The following KLRG1 variants were observed in gnomAD, a reference collection of about 807,000 sequenced individuals.
KLRG1 encodes killer cell lectin-like receptor subfamily G member 1.
In KLRG1, 16 loss-of-function variants were observed where a neutral mutation model predicts 21.8. The observed-to-expected ratio is 0.73, with a 90% CI of 0.50 to 1.11. The LOEUF is 1.11. Among genes scored for constraint, KLRG1 ranks in the 50% most tolerant of loss-of-function variants. The probability of loss-of-function intolerance (pLI) is 0.00; values close to 1 mark genes in which losing one functional copy is unlikely to be tolerated. For synonymous variants in KLRG1, 69 were observed against 75.9 expected (o/e 0.91, Z 0.47); for missense variants, 173 against 218.3 (o/e 0.79, Z 1.31).
downstream of KLRG1, among the ~76,000 whole-genome samples, chr12:9,014,595 A>G (rs939206408): frequency 6.6e-6 from 1 of 152,200 alleles, no homozygotes; most frequent in African/African-American, 2.4e-5. Context: ...GATCTGTTGT[A>G]TAAGAAATGC....
chr12:9,185,062 G>T, the KLRG1 span, among the ~76,000 whole-genome samples: 1 of 152,166 alleles, frequency 6.6e-6, no homozygotes, highest in Non-Finnish European at 1.5e-5. Flanking sequence ...CTCCAGCAAG[G>T]GTTCTTAATA....
chr12:9,105,979 AG>A, the KLRG1 span, among the ~76,000 whole-genome samples: 2 of 152,184 alleles, frequency 1.3e-5, no homozygotes, highest in Non-Finnish European at 2.9e-5. Flanking sequence ...TTTCAAAAGA[AG>A]GGGGGAAAAC....
At chr12:9,161,038 A>C in the KLRG1 span, 1 of 1,583,102 alleles carries the variant, frequency 6.3e-7, no homozygotes, top group Non-Finnish European at 8.7e-7. Flanking sequence ...CTCACCCAGA[A>C]CTGAGAAAGA....
the KLRG1 span, chr12:9,112,279 A>G: frequency 1.9e-6 from 3 of 1,607,002 alleles, no homozygotes; most frequent in Non-Finnish European, 8.5e-7. Flanking sequence ...AAGACAAGCT[A>G]TTAAGGAACC....
At chr12:9,184,713 C>T in the KLRG1 span, among the ~76,000 whole-genome samples, 5 of 152,362 alleles carry the variant, frequency 3.3e-5, no homozygotes, top group East Asian at 7.7e-4. Flanking sequence ...TTCAGTGCAA[C>T]ATGTTCTTAA....
chr12:9,070,269 T>C, the KLRG1 span, among the ~76,000 whole-genome samples: 1 of 152,376 alleles, frequency 6.6e-6, no homozygotes, highest in Non-Finnish European at 1.5e-5. Context: ...AGCAGGAACC[T>C]GCTGACAATC....
chr12:9,192,077 G>A, the KLRG1 span: 155 of 837,726 alleles, frequency 1.9e-4, no homozygotes, highest in Middle Eastern at 3.5e-4. Context: ...ATTTTCCTGC[G>A]TGTCCTCCTT....
chr12:9,111,777 A>G, the KLRG1 span, among the ~76,000 whole-genome samples: 1 of 152,200 alleles, frequency 6.6e-6, no homozygotes, highest in South Asian at 2.1e-4. Context: ...AATTACCCTG[A>G]CTTTCCTTTA....
chr12:9,109,962 G>A, the KLRG1 span: 1 of 1,613,738 alleles, frequency 6.2e-7, no homozygotes, highest in South Asian at 1.1e-5. Flanking sequence ...TGATGAGAGG[G>A]GAAAAGAAAA....
the KLRG1 span, chr12:9,115,626 A>T: frequency 1.5e-6 from 1 of 674,942 alleles, no homozygotes; most frequent in Non-Finnish European, 2.5e-6. Flanking sequence ...AGTAAACTAG[A>T]TTTGTAAAAT....
At chr12:9,047,232 A>G in the KLRG1 span, among the ~76,000 whole-genome samples, 2 of 152,236 alleles carry the variant, frequency 1.3e-5, no homozygotes, top group Non-Finnish European at 2.9e-5. Context: ...ATTAGTAGCA[A>G]TAAAACTTAT....
chr12:9,080,661 T>C, the KLRG1 span, among the ~76,000 whole-genome samples: 255 of 152,350 alleles, frequency 1.7e-3, 1 homozygote, highest in Non-Finnish European at 2.0e-3. Context: ...TATACAAAGA[T>C]AGTATTTTTA....
the KLRG1 span, among the ~76,000 whole-genome samples, chr12:9,040,995 C>T: frequency 6.6e-6 from 1 of 152,202 alleles, no homozygotes; most frequent in South Asian, 2.1e-4. Context: ...CAGACTGTTT[C>T]CAAAGATGCA....
the KLRG1 span, among the ~76,000 whole-genome samples, chr12:9,200,168 T>C: frequency 6.6e-6 from 1 of 152,200 alleles, no homozygotes; most frequent in Non-Finnish European, 1.5e-5. Context: ...AGATGTTTAT[T>C]GTTAAATCAT....
chr12:9,065,151 T>TCCCCCCCCCC, the KLRG1 span: 150 of 52,618 alleles, frequency 2.9e-3, no homozygotes, highest in African/African-American at 3.3e-3. Context: ...ATTCCCTTCC[T>TCCCCCCCCCC]CCCCCCCCCC....
the KLRG1 span, among the ~76,000 whole-genome samples, chr12:9,071,357 C>T: frequency 0.31 from 47,628 of 151,656 alleles, 7,907 homozygotes; most frequent in Admixed American, 0.36. Flanking sequence ...GTCTTGTCCC[C>T]GAGAGTTTGC....
chr12:9,201,045 G>A, the KLRG1 span: 26 of 1,613,876 alleles, frequency 1.6e-5, no homozygotes, highest in South Asian at 2.0e-4. Context: ...TGTGCAATTC[G>A]ATTTCTTCTT....
chr12:9,029,095 C>G, the KLRG1 span: 2 of 426,644 alleles, frequency 4.7e-6, no homozygotes, highest in Non-Finnish European at 8.8e-6. Context: ...GACATGACGG[C>G]AGAAAGAAGA....
chr12:9,067,384 A>G, the KLRG1 span: 2 of 277,902 alleles, frequency 7.2e-6, no homozygotes, highest in African/African-American at 4.5e-5. Flanking sequence ...TCAATGTTGT[A>G]TTTCATTCTA....
Sources: gnomAD v4.1 joint callset for allele counts (sites outside exome capture counted in the v4.1 genomes callset) on GRCh38, gnomAD v4.1.1 for gene constraint, MANE v1.5 for transcripts, NCBI Gene and HGNC (gene_info 2026-07-23, HGNC 2026-07-21) for gene names.